ASAP1: variants seen among roughly 807,000 people sequenced by gnomAD.
ASAP1 encodes arf-GAP with SH3 domain, ANK repeat and PH domain-containing protein 1.
ASAP1 carries 43 observed loss-of-function variants against 145.2 expected under a neutral mutation model. The observed-to-expected ratio is 0.30, with a 90% CI of 0.23 to 0.38. ASAP1 has a LOEUF of 0.38. ASAP1 is among the 10% of genes least tolerant of loss of function. ASAP1 has a pLI of 1.00. For missense variants in ASAP1, 1,018 were observed against 1,355.3 expected (o/e 0.75, Z 3.91); for synonymous variants, 546 against 515.5 (o/e 1.06, Z -0.80).
At chr8:130,122,770 C>T (rs2097568619) in intron 18 of ASAP1, among the ~76,000 whole-genome samples, 1 of 152,228 alleles carries the variant, frequency 6.6e-6, no homozygotes, top group South Asian at 2.1e-4. Flanking sequence ...GAAAGTCTTA[C>T]AGAGGCCAAA....
intron 3 of ASAP1, among the ~76,000 whole-genome samples, chr8:130,276,663 C>T (rs996504933): frequency 2.8e-5 from 4 of 143,826 alleles, no homozygotes; most frequent in Admixed American, 7.0e-5. Flanking sequence ...GCAGGCCAAA[C>T]GTGAACTGAG....
intron 3 of ASAP1, among the ~76,000 whole-genome samples, chr8:130,250,441 T>A (rs1425386821): frequency 1.3e-5 from 2 of 152,178 alleles, no homozygotes; most frequent in Admixed American, 1.3e-4. Context: ...CGTCCAAGTA[T>A]GGCGCATGCT....
chr8:130,170,063 CT>C (rs1318417807), intron 9 of ASAP1, among the ~76,000 whole-genome samples: 1 of 152,214 alleles, frequency 6.6e-6, no homozygotes, highest in Non-Finnish European at 1.5e-5. Context: ...TCTCAAAACA[CT>C]ATCTGTTTTG....
chr8:130,338,818 C>T (rs1359231538), intron 3 of ASAP1, among the ~76,000 whole-genome samples: 1 of 152,222 alleles, frequency 6.6e-6, no homozygotes, highest in African/African-American at 2.4e-5. Flanking sequence ...GCTCTGGCTG[C>T]CTTGTTGCTT....
At chr8:130,147,035 G>A (rs1008065114) in intron 13 of ASAP1, among the ~76,000 whole-genome samples, 6 of 151,706 alleles carry the variant, frequency 4.0e-5, no homozygotes, top group South Asian at 2.1e-4. Flanking sequence ...AGACCAGCCC[G>A]GCCAACATGG....
At chr8:130,353,452 T>A (rs192752426) in intron 3 of ASAP1, among the ~76,000 whole-genome samples, 1 of 152,348 alleles carries the variant, frequency 6.6e-6, no homozygotes, top group Non-Finnish European at 1.5e-5. Flanking sequence ...AGGCACCTTT[T>A]TTAATCAGAC....
intron 3 of ASAP1, among the ~76,000 whole-genome samples, chr8:130,299,744 T>C (rs1822507799): frequency 6.6e-6 from 1 of 152,018 alleles, no homozygotes; most frequent in South Asian, 2.1e-4. Context: ...TTAAGTGAGT[T>C]CAAAATCCAA....
rs1463243246 is a variant in ASAP1 at position 130,246,787 on chromosome 8, A to C, written c.187-9793T>G. 2.6e-5 allele frequency among the ~76,000 whole-genome samples: 4 copies of C among 152,172 alleles called. No homozygotes were observed. In the East Asian group the frequency reaches 7.7e-4, roughly 29 times the overall value. Reference sequence around the variant, plus strand: ...CCATACATTCTGTAAAGAGAACTCAACCCACCTCTGAGGGCTAAGCTAAGT... The same window carrying C: ...CCATACATTCTGTAAAGAGAACTCACCCCACCTCTGAGGGCTAAGCTAAGT... On this transcript the variant is annotated intron_variant, in intron 3 of 29. Coordinates refer to ENST00000518721, the MANE Select transcript of ASAP1 (RefSeq NM_018482.4).
intron 25 of ASAP1, among the ~76,000 whole-genome samples, chr8:130,085,457 G>A (rs140258532): frequency 2.2e-4 from 34 of 152,250 alleles, no homozygotes; most frequent in African/African-American, 6.5e-4. Context: ...GAGGAGGACC[G>A]GGTGAAGAGG....
intron 3 of ASAP1, among the ~76,000 whole-genome samples, chr8:130,337,194 A>T (rs1443979360): frequency 6.6e-6 from 1 of 152,240 alleles, no homozygotes; most frequent in African/African-American, 2.4e-5. Flanking sequence ...ATTTTAAAAG[A>T]TGTTCATGTT....
intron 13 of ASAP1, among the ~76,000 whole-genome samples, chr8:130,148,422 A>T (rs1042284764): frequency 3.3e-5 from 5 of 152,224 alleles, no homozygotes; most frequent in Non-Finnish European, 5.9e-5. Context: ...AAATTCAAAG[A>T]TGAGTAAGAT....
chr8:130,348,348 G>T (rs186824798), intron 3 of ASAP1, among the ~76,000 whole-genome samples: 2 of 152,278 alleles, frequency 1.3e-5, no homozygotes, highest in East Asian at 3.9e-4. Flanking sequence ...TTACCTCCTT[G>T]GCATATGAGG....
rs143312293 is a variant in ASAP1, at chr8:130,150,209, C to G, written c.1080+2527G>C. Among the ~76,000 whole-genome samples the G allele has an allele frequency of 9.4e-3, 1,428 of 152,300 alleles. 5 individuals carry two copies. Among genetic ancestry groups the G allele is most frequent in the Middle Eastern group, 0.034 (10 of 294 alleles). Reference sequence around the variant, plus strand: ...TCAGACAGATGCCACAGTCCATTATCTTAGCCACTAAACAATGTGGATGAT... The same window carrying G: ...TCAGACAGATGCCACAGTCCATTATGTTAGCCACTAAACAATGTGGATGAT... On this transcript the variant is annotated intron_variant, in intron 13 of 29. Coordinates refer to ENST00000518721, the MANE Select transcript of ASAP1 (RefSeq NM_018482.4).
chr8:130,214,141 A>G (rs1251232819), intron 5 of ASAP1, among the ~76,000 whole-genome samples: 1 of 152,230 alleles, frequency 6.6e-6, no homozygotes, highest in Non-Finnish European at 1.5e-5. Flanking sequence ...GAGATATAAT[A>G]CTTTCAATGT....
intron 3 of ASAP1, among the ~76,000 whole-genome samples, chr8:130,327,382 T>C (rs1201274951): frequency 1.3e-5 from 2 of 152,204 alleles, no homozygotes; most frequent in Non-Finnish European, 2.9e-5. Flanking sequence ...TTACCAAAGC[T>C]TGGCTCCAGT....
intron 3 of ASAP1, among the ~76,000 whole-genome samples, chr8:130,277,922 C>T (rs1005740212): frequency 1.2e-4 from 18 of 152,232 alleles, no homozygotes; most frequent in African/African-American, 3.4e-4. Flanking sequence ...GGGAGCCTCT[C>T]GGGAGGACCT....
intron 27 of ASAP1, among the ~76,000 whole-genome samples, chr8:130,074,214 T>G (rs2097456587): frequency 6.6e-6 from 1 of 152,092 alleles, no homozygotes; most frequent in Non-Finnish European, 1.5e-5. Context: ...TGATGAATTT[T>G]TTGATGTAGT....
intron 1 of ASAP1, among the ~76,000 whole-genome samples, chr8:130,421,277 T>TCA (rs1452975945): frequency 6.6e-6 from 1 of 152,136 alleles, no homozygotes; most frequent in African/African-American, 2.4e-5. Flanking sequence ...ATAGCCCTGG[T>TCA]CACAAATATC....
At chr8:130,188,304 C>A in intron 5 of ASAP1, 121 bp from the exon 6 acceptor site, 1 of 738,660 alleles carries the variant, frequency 1.4e-6, no homozygotes, top group Non-Finnish European at 2.4e-6. Context: ...GCTTTCCATG[C>A]ATTATTTCAT....
Sources: allele counts gnomAD v4.1 joint callset (sites outside exome capture counted in the v4.1 genomes callset), GRCh38; gene constraint gnomAD v4.1.1; transcripts MANE v1.5; gene names NCBI Gene and HGNC (gene_info 2026-07-23, HGNC 2026-07-21).